Variants in TSHZ2 observed in about 807,000 individuals in gnomAD.
TSHZ2 encodes teashirt zinc finger homeobox 2.
Under a neutral mutation model 74.4 loss-of-function variants are expected in TSHZ2, and 21 were observed. The observed-to-expected ratio is 0.28, with a 90% CI of 0.20 to 0.41. The LOEUF is 0.41. Among genes scored for constraint, TSHZ2 ranks in the 10% least tolerant of loss-of-function variants. TSHZ2 has a pLI of 1.00. For synonymous variants in TSHZ2, 540 were observed against 515.3 expected (o/e 1.05, Z -0.65); for missense variants, 1,244 against 1,293.5 (o/e 0.96, Z 0.59).
chr20:53,261,535 G>A (rs1990601143), intron 2 of TSHZ2, among the ~76,000 whole-genome samples: 1 of 152,156 alleles, frequency 6.6e-6, no homozygotes, highest in African/African-American at 2.4e-5. Context: ...CATCTCTCAA[G>A]CAGCAAGAAA....
At chr20:53,120,515 G>A (rs968386578) in intron 1 of TSHZ2, among the ~76,000 whole-genome samples, 18 of 152,050 alleles carry the variant, frequency 1.2e-4, no homozygotes, top group Admixed American at 2.6e-4. Context: ...GGCAAATGAC[G>A]AGAACATATA....
intron 2 of TSHZ2, among the ~76,000 whole-genome samples, chr20:53,365,823 A>C (rs1981237839): frequency 6.6e-6 from 1 of 151,168 alleles, no homozygotes; most frequent in African/African-American, 2.5e-5. Context: ...CCTCCTGGGA[A>C]TCCACTTCCT....
In TSHZ2 at chr20:53,459,280, C is replaced by T. The variant is rs376610663; in HGVS notation, c.*9-27864C>T. Reference sequence around the variant, plus strand: ...TATATATTTAGGATAGTTAGCTCTTCTTGTTCAATTGATCCCTTTACCATT... The same window carrying T: ...TATATATTTAGGATAGTTAGCTCTTTTTGTTCAATTGATCCCTTTACCATT... On this transcript the variant is annotated intron_variant, in intron 2 of 2. Coordinates refer to ENST00000371497, the MANE Select transcript of TSHZ2 (RefSeq NM_173485.6). 1.7e-3 allele frequency among the ~76,000 whole-genome samples: 264 copies of T among 152,320 alleles called. 2 individuals are homozygous for T. Among genetic ancestry groups the T allele is most frequent in the African/African-American group, 6.1e-3 (255 of 41,556 alleles).
At chr20:53,285,728 A>AAG (rs1555846142) in intron 2 of TSHZ2, among the ~76,000 whole-genome samples, 1 of 151,480 alleles carries the variant, frequency 6.6e-6, no homozygotes, top group Non-Finnish European at 1.5e-5. Context: ...AGAGAAAAAA[A>AAG]AAAGAAAGAA....
intron 1 of TSHZ2, among the ~76,000 whole-genome samples, chr20:53,065,264 G>A (rs1357227676): frequency 6.6e-6 from 1 of 152,170 alleles, no homozygotes; most frequent in Non-Finnish European, 1.5e-5. Flanking sequence ...ACAAATTATT[G>A]TTGTCGTGGT....
At chr20:52,975,177 C>T (rs1186608491) in intron 1 of TSHZ2, among the ~76,000 whole-genome samples, 4 of 152,106 alleles carry the variant, frequency 2.6e-5, no homozygotes, top group Non-Finnish European at 4.4e-5. Flanking sequence ...TTAGAGATAA[C>T]GTCCTTATTG....
intron 1 of TSHZ2, among the ~76,000 whole-genome samples, chr20:53,121,545 A>G (rs952146189): frequency 1.3e-5 from 2 of 152,208 alleles, no homozygotes; most frequent in Non-Finnish European, 2.9e-5. Flanking sequence ...CTCTGGAGGG[A>G]GGAACTGCTC....
At chr20:53,362,668 T>TG (rs11086421) in intron 2 of TSHZ2, among the ~76,000 whole-genome samples, 137,110 of 152,232 alleles carry the variant, frequency 0.9, 61,986 homozygotes, top group African/African-American at 0.97. Flanking sequence ...TCTGTATTTG[T>TG]GCTGTCACAT....
chr20:53,432,818 T>A (rs1983894619), intron 2 of TSHZ2, among the ~76,000 whole-genome samples: 1 of 152,208 alleles, frequency 6.6e-6, no homozygotes, highest in Non-Finnish European at 1.5e-5. Context: ...AGGCTGCAAA[T>A]AAAAGGCAGC....
chr20:53,216,201 A>G (rs538422463), intron 1 of TSHZ2, among the ~76,000 whole-genome samples: 1 of 151,372 alleles, frequency 6.6e-6, no homozygotes, highest in South Asian at 2.1e-4. Flanking sequence ...GTCAACACCC[A>G]AGGAATGTCC....
At chr20:53,079,497 G>T (rs1985464446) in intron 1 of TSHZ2, among the ~76,000 whole-genome samples, 2 of 152,188 alleles carry the variant, frequency 1.3e-5, no homozygotes. Flanking sequence ...GCGCTACAGA[G>T]ACAGAATAAT....
intron 2 of TSHZ2, chr20:53,398,034 A>G (rs2145672961): frequency 6.6e-6 from 1 of 152,330 alleles, no homozygotes; most frequent in East Asian, 1.9e-4. Context: ...TATGAAAATG[A>G]TGAGTTAATG....
At chr20:53,124,828 C>G (rs547710798) in intron 1 of TSHZ2, among the ~76,000 whole-genome samples, 7 of 152,276 alleles carry the variant, frequency 4.6e-5, no homozygotes, top group African/African-American at 1.4e-4. Context: ...CAGACACAGC[C>G]AGGGAGTGGG....
chr20:53,314,287 C>CAAAAAAAAAAAAA (rs5841941), intron 2 of TSHZ2, among the ~76,000 whole-genome samples: 5 of 131,710 alleles, frequency 3.8e-5, no homozygotes, highest in Non-Finnish European at 6.4e-5. Flanking sequence ...GACTCTGTCT[C>CAAAAAAAAAAAAA]AAAAAAAAAA....
At chr20:53,247,125 G>A (rs1990226627) in intron 1 of TSHZ2, among the ~76,000 whole-genome samples, 1 of 152,166 alleles carries the variant, frequency 6.6e-6, no homozygotes, top group African/African-American at 2.4e-5. Flanking sequence ...ACAGAGGAGG[G>A]AGCAAACTCT....
chr20:53,379,980 C>A (rs898518294), intron 2 of TSHZ2, among the ~76,000 whole-genome samples: 1 of 152,158 alleles, frequency 6.6e-6, no homozygotes, highest in Non-Finnish European at 1.5e-5. Context: ...GTAGCAAAAA[C>A]TTTCATCCTG....
At chr20:53,363,069 G>C (rs1365198401) in intron 2 of TSHZ2, among the ~76,000 whole-genome samples, 2 of 152,206 alleles carry the variant, frequency 1.3e-5, no homozygotes, top group Non-Finnish European at 2.9e-5. Context: ...ACAGTGAGTG[G>C]GTGGACAATA....
At chr20:53,363,755 G>A (rs1350938199) in intron 2 of TSHZ2, among the ~76,000 whole-genome samples, 1 of 152,234 alleles carries the variant, frequency 6.6e-6, no homozygotes, top group Non-Finnish European at 1.5e-5. Context: ...CAAGGTCGCA[G>A]TAAGCCAAGA....
At chr20:53,415,799 TACAC>T (rs879670879) in intron 2 of TSHZ2, among the ~76,000 whole-genome samples, 85 of 145,366 alleles carry the variant, frequency 5.8e-4, no homozygotes, top group Middle Eastern at 6.9e-3. Flanking sequence ...TGTGTAGATA[TACAC>T]ACACACACAC....
Sources: allele counts gnomAD v4.1 joint callset (sites outside exome capture counted in the v4.1 genomes callset), GRCh38; gene constraint gnomAD v4.1.1; transcripts MANE v1.5; gene names NCBI Gene and HGNC (gene_info 2026-07-23, HGNC 2026-07-21).